The following SMCO4 variants were observed in gnomAD, a reference collection of about 807,000 sequenced individuals.
SMCO4 encodes single-pass membrane protein with coiled-coil domains 4.
SMCO4 carries 4 observed loss-of-function variants against 3.6 expected under a neutral mutation model. That is an observed-to-expected ratio of 1.11 (90% CI 0.54 to 2.53). The LOEUF (loss-of-function observed/expected upper bound fraction) is 2.53. Among genes scored for constraint, SMCO4 ranks in the 30% most tolerant of loss-of-function variants. The probability of loss-of-function intolerance (pLI) is 0.02; values close to 1 mark genes in which losing one functional copy is unlikely to be tolerated. For missense variants in SMCO4, 70 were observed against 80.8 expected (o/e 0.87, Z 0.51); for synonymous variants, 36 against 35.3 (o/e 1.02, Z -0.07).
chr11:93,531,564 C>A (rs1355419749), intron 1 of SMCO4, among the ~76,000 whole-genome samples: 1 of 152,210 alleles, frequency 6.6e-6, no homozygotes, highest in Non-Finnish European at 1.5e-5. Context: ...ATACACATAA[C>A]CCTATTGGTT....
intron 2 of SMCO4, among the ~76,000 whole-genome samples, chr11:93,488,953 G>C (rs1452486847): frequency 2.0e-5 from 3 of 152,148 alleles, no homozygotes; most frequent in African/African-American, 7.2e-5. Context: ...CCTGAGGAAG[G>C]GGGAGCTGGC....
At chr11:93,485,381 C>T (rs1393366514) in intron 2 of SMCO4, among the ~76,000 whole-genome samples, 1 of 152,238 alleles carries the variant, frequency 6.6e-6, no homozygotes, top group Non-Finnish European at 1.5e-5. Context: ...TTCTCACCTC[C>T]ATGCCTTTGC....
chr11:93,504,455 T>C (rs1948879883), intron 1 of SMCO4, among the ~76,000 whole-genome samples: 1 of 152,238 alleles, frequency 6.6e-6, no homozygotes, highest in Non-Finnish European at 1.5e-5. Context: ...GAGATTTTTG[T>C]GCATTCCCAG....
intron 2 of SMCO4, among the ~76,000 whole-genome samples, chr11:93,494,749 A>G (rs1948755444): frequency 6.6e-6 from 1 of 152,260 alleles, no homozygotes; most frequent in Admixed American, 6.5e-5. Flanking sequence ...GAATCAGATC[A>G]CTGACTTTCA....
At position 93,515,987 on chromosome 11, in the gene SMCO4, G is replaced by T. The variant is rs118051860; in HGVS notation, c.-153-16639C>A. ...GTAAAACTGGTTCTGTTTTTCCTTT[G>T]TAATTTCTACACAGGAGGCTGCTTC... On this transcript the variant is annotated intron_variant, in intron 1 of 2. Transcript: ENST00000298966. Among the ~76,000 whole-genome samples, 764 of 152,242 alleles carry T rather than the reference G, an allele frequency of 5.0e-3. 33 individuals carry two copies. The East Asian group carries it at 0.073, about 15-fold the overall frequency.
intron 2 of SMCO4, among the ~76,000 whole-genome samples, chr11:93,498,128 GA>G (rs1948796243): frequency 6.6e-6 from 1 of 152,126 alleles, no homozygotes; most frequent in Non-Finnish European, 1.5e-5. Context: ...GTCAAACCCA[GA>G]CAACAATGTG....
intron 2 of SMCO4, among the ~76,000 whole-genome samples, chr11:93,490,532 A>C (rs1948702342): frequency 2.0e-5 from 3 of 152,228 alleles, no homozygotes; most frequent in Admixed American, 1.3e-4. Flanking sequence ...TGAGATCCAC[A>C]AAAGAGATTT....
chr11:93,485,813 T>C (rs1420674542), intron 2 of SMCO4, among the ~76,000 whole-genome samples: 1 of 152,210 alleles, frequency 6.6e-6, no homozygotes, highest in Non-Finnish European at 1.5e-5. Flanking sequence ...AGCTGCCATT[T>C]ATAAATACTT....
At chr11:93,505,023 A>C (rs1040677251) in intron 1 of SMCO4, among the ~76,000 whole-genome samples, 1 of 152,224 alleles carries the variant, frequency 6.6e-6, no homozygotes, top group Non-Finnish European at 1.5e-5. Flanking sequence ...AATATGTACA[A>C]GTACTTATTA....
Position 93,478,735 on chromosome 11 carries a change from A to T in SMCO4, c.*275T>A, listed in dbSNP as rs1948549574. Reference sequence around the variant, plus strand: ...GAAGCACACACACACACACACACACACACACACACACACACACATGCGCGC... The same window carrying T: ...GAAGCACACACACACACACACACACTCACACACACACACACACATGCGCGC... On this transcript the variant is annotated 3_prime_UTR_variant, in exon 3 of 3. Transcript: ENST00000298966. The T allele has an allele frequency of 1.6e-6, 1 of 639,390 alleles. No individual in the cohort carries two copies. Among genetic ancestry groups the T allele is most frequent in the Admixed American group, 4.1e-5 (1 of 24,376 alleles). 39.6% of individuals were successfully genotyped at this position (639,390 alleles called of 1,614,324 possible). A position where few individuals can be genotyped will look rare whatever the true frequency, so the allele number is the denominator to read the frequency against.
At chr11:93,544,748 C>T (rs1949302187), upstream of SMCO4, among the ~76,000 whole-genome samples, 1 of 152,138 alleles carries the variant, frequency 6.6e-6, no homozygotes, top group African/African-American at 2.4e-5. Context: ...CTTTCTGCAC[C>T]TCAGTCCCCT....
intron 1 of SMCO4, among the ~76,000 whole-genome samples, chr11:93,538,105 C>A (rs1381973180): frequency 6.6e-6 from 1 of 152,228 alleles, no homozygotes; most frequent in Non-Finnish European, 1.5e-5. Flanking sequence ...ATATTCCTGA[C>A]ATGGCAACAG....
intron 1 of SMCO4, among the ~76,000 whole-genome samples, chr11:93,536,204 A>G (rs1451022166): frequency 6.6e-6 from 1 of 152,178 alleles, no homozygotes; most frequent in African/African-American, 2.4e-5. Flanking sequence ...TCTTTCACCC[A>G]GGGGAATGGC....
At chr11:93,527,779 G>A (rs1361039067) in intron 1 of SMCO4, among the ~76,000 whole-genome samples, 1 of 152,048 alleles carries the variant, frequency 6.6e-6, no homozygotes, top group Non-Finnish European at 1.5e-5. Context: ...CAATTTTTAC[G>A]TATATTTCAC....
intron 1 of SMCO4, among the ~76,000 whole-genome samples, chr11:93,540,030 A>G (rs562695226): frequency 6.6e-6 from 1 of 151,858 alleles, no homozygotes; most frequent in Non-Finnish European, 1.5e-5. Context: ...TCAACTTTCT[A>G]TCAAAGACCT....
chr11:93,481,925 C>G (rs1183720612), intron 2 of SMCO4, among the ~76,000 whole-genome samples: 1 of 152,248 alleles, frequency 6.6e-6, no homozygotes, highest in Non-Finnish European at 1.5e-5. Context: ...CCTGACTTCC[C>G]TCCTGCACTT....
At chr11:93,484,052 G>A (rs1051791629) in intron 2 of SMCO4, among the ~76,000 whole-genome samples, 16 of 152,258 alleles carry the variant, frequency 1.1e-4, no homozygotes, top group African/African-American at 3.6e-4. Context: ...CCTAACCAGG[G>A]AAACGGAAAC....
the SMCO4 span, among the ~76,000 whole-genome samples, chr11:93,549,201 G>A: frequency 4.6e-5 from 7 of 152,176 alleles, no homozygotes; most frequent in Admixed American, 6.5e-5. Flanking sequence ...CTCTTCCACC[G>A]TAGGGGAGCT....
chr11:93,544,931 G>A (rs894681794), upstream of SMCO4, among the ~76,000 whole-genome samples: 1 of 152,184 alleles, frequency 6.6e-6, no homozygotes, highest in Non-Finnish European at 1.5e-5. Flanking sequence ...TCTATGCGCT[G>A]AAAGAATGAG....
Sources: allele counts gnomAD v4.1 joint callset (sites outside exome capture counted in the v4.1 genomes callset), GRCh38; gene constraint gnomAD v4.1.1; transcripts MANE v1.5; gene names NCBI Gene and HGNC (gene_info 2026-07-23, HGNC 2026-07-21).